Variants in GABRB2 observed in about 807,000 individuals in gnomAD.
GABRB2 encodes gamma-aminobutyric acid receptor subunit beta-2.
In GABRB2, 16 loss-of-function variants were observed where a neutral mutation model predicts 54.7. That is an observed-to-expected ratio of 0.29 (90% CI 0.20 to 0.44). The LOEUF (loss-of-function observed/expected upper bound fraction) is 0.44, where lower values mean the gene tolerates loss of function less well. Among genes scored for constraint, GABRB2 ranks in the 20% least tolerant of loss-of-function variants. The pLI, the probability that GABRB2 is intolerant of heterozygous loss-of-function variation, is 1.00. For synonymous variants in GABRB2, 244 were observed against 233.8 expected (o/e 1.04, Z -0.40); for missense variants, 355 against 644.0 (o/e 0.55, Z 4.86).
chr5:161,408,976 A>G (rs550484993), intron 5 of GABRB2, among the ~76,000 whole-genome samples: 10 of 152,256 alleles, frequency 6.6e-5, no homozygotes, highest in African/African-American at 2.4e-4. Flanking sequence ...CCTATTTACA[A>G]CAATAAAGCC....
rs1757294309 is a variant in GABRB2, at chr5:161,293,624, G to T, written c.*457C>A. ...TTATCATCTCAGTAAGAAAATCATAGATCATCTTCAAGTAATGTGTTTGCA... is the reference window on the plus strand; with the variant it reads ...TTATCATCTCAGTAAGAAAATCATATATCATCTTCAAGTAATGTGTTTGCA... On this transcript the variant is annotated 3_prime_UTR_variant, in exon 10 of 10. Coordinates refer to ENST00000393959, the MANE Select transcript of GABRB2 (RefSeq NM_001371727.1). 6.4e-6 allele frequency: 1 copy of T among 156,670 alleles called. No homozygotes were observed. Among genetic ancestry groups the T allele is most frequent in the South Asian group, 1.9e-4 (1 of 5,176 alleles). The allele number at this position is 156,670 out of a possible 1,614,324, so 9.7% of individuals were successfully genotyped here. A position where few individuals can be genotyped will look rare whatever the true frequency, so the allele number is the denominator to read the frequency against.
chr5:161,458,723 A>G (rs549775399), intron 4 of GABRB2, among the ~76,000 whole-genome samples: 2 of 152,320 alleles, frequency 1.3e-5, no homozygotes, highest in South Asian at 4.1e-4. Context: ...AGCAGTTCCT[A>G]ATGTATGAGG....
chr5:161,308,379 C>T (rs2113358634), intron 9 of GABRB2, among the ~76,000 whole-genome samples: 1 of 152,294 alleles, frequency 6.6e-6, no homozygotes, highest in South Asian at 2.1e-4. Flanking sequence ...GAAAAACATT[C>T]CATGCTAATG....
chr5:161,430,674 G>A (rs1302648617), intron 4 of GABRB2, among the ~76,000 whole-genome samples: 1 of 152,084 alleles, frequency 6.6e-6, no homozygotes, highest in African/African-American at 2.4e-5. Flanking sequence ...TAAAAACATT[G>A]ATTTAAGAAA....
chr5:161,348,727 C>T (rs903980485), intron 5 of GABRB2, among the ~76,000 whole-genome samples: 1 of 151,970 alleles, frequency 6.6e-6, no homozygotes, highest in Non-Finnish European at 1.5e-5. Context: ...ACTTGTCTTC[C>T]TCTGTAGTAG....
rs767791996 is a variant in GABRB2, at chr5:161,459,692, C to A, written c.390G>T (p.Val130=). The change falls in exon 4 of 10, where the codon GTG becomes GTT. Residue 130 remains valine, a synonymous_variant. Transcript: ENST00000393959. ...TGCGGTTCTTAACAGTCACTCCGTGCACAAATGACTTCTTATCGTTCAGGA... is the reference window on the plus strand; with the variant it reads ...TGCGGTTCTTAACAGTCACTCCGTGAACAAATGACTTCTTATCGTTCAGGA... ...TYFLNDKKSF[V]HGVTVKNRMI... The A allele has an allele frequency of 2.5e-6, 4 of 1,614,122 alleles. No homozygotes were observed. The highest frequency in any genetic ancestry group is 1.1e-5 in the South Asian group (1 of 91,084).
At chr5:161,317,907 A>G (rs1758090365) in intron 9 of GABRB2, among the ~76,000 whole-genome samples, 1 of 152,082 alleles carries the variant, frequency 6.6e-6, no homozygotes, top group Admixed American at 6.6e-5. Context: ...ACAAGTTAAA[A>G]TAACAAGATT....
chr5:161,436,465 G>A (rs553325783), intron 4 of GABRB2, among the ~76,000 whole-genome samples: 11 of 151,392 alleles, frequency 7.3e-5, no homozygotes, highest in African/African-American at 2.4e-4. Flanking sequence ...CTTGGGAGGC[G>A]GAGGTTGCAG....
intron 3 of GABRB2, among the ~76,000 whole-genome samples, chr5:161,467,491 G>A (rs559151519): frequency 1.3e-5 from 2 of 152,174 alleles, no homozygotes; most frequent in South Asian, 4.1e-4. Flanking sequence ...TAATTTAAAT[G>A]TAATACAAGT....
chr5:161,385,440 G>A (rs943590942), intron 5 of GABRB2, among the ~76,000 whole-genome samples: 19 of 152,204 alleles, frequency 1.2e-4, no homozygotes, highest in African/African-American at 4.1e-4. Flanking sequence ...CTTGGTAACC[G>A]ATGCTTGAAA....
intron 3 of GABRB2, among the ~76,000 whole-genome samples, chr5:161,533,052 A>C (rs940896162): frequency 2.6e-5 from 4 of 152,094 alleles, no homozygotes; most frequent in Non-Finnish European, 5.9e-5. Context: ...AAGTCATTTC[A>C]TCTTCAATTG....
chr5:161,469,832 T>C (rs1172113435), intron 3 of GABRB2, among the ~76,000 whole-genome samples: 1 of 151,988 alleles, frequency 6.6e-6, no homozygotes, highest in Non-Finnish European at 1.5e-5. Context: ...CCTATGGCCA[T>C]GAAGTACAAG....
In GABRB2 at chr5:161,350,630, G is replaced by A. The variant is rs772729709; in HGVS notation, c.542-13861C>T. On this transcript the variant is annotated intron_variant, in intron 5 of 9. Coordinates refer to ENST00000393959, the MANE Select transcript of GABRB2 (RefSeq NM_001371727.1). Reference sequence around the variant, plus strand: ...GATGTTCCTGAATATGTCTGTGAGGGCGTTGCCAAAGGAGATTAACATTTG... The same window carrying A: ...GATGTTCCTGAATATGTCTGTGAGGACGTTGCCAAAGGAGATTAACATTTG... Among the ~76,000 whole-genome samples, 7 of 152,172 alleles carry A rather than the reference G, an allele frequency of 4.6e-5. No homozygotes were observed. The South Asian group carries it at 1.0e-3, about 23-fold the overall frequency.
chr5:161,361,551 T>C (rs899240291), intron 5 of GABRB2, among the ~76,000 whole-genome samples: 2 of 152,086 alleles, frequency 1.3e-5, no homozygotes, highest in Non-Finnish European at 2.9e-5. Flanking sequence ...TTTCTGTATA[T>C]GGTTGAAATT....
intron 3 of GABRB2, among the ~76,000 whole-genome samples, chr5:161,520,336 G>C (rs1378795706): frequency 6.6e-6 from 1 of 152,020 alleles, no homozygotes; most frequent in Non-Finnish European, 1.5e-5. Flanking sequence ...AAAATAGAGG[G>C]ATTTGAACTT....
chr5:161,451,615 T>C (rs1190138931), intron 4 of GABRB2, among the ~76,000 whole-genome samples: 1 of 152,148 alleles, frequency 6.6e-6, no homozygotes, highest in African/African-American at 2.4e-5. Context: ...AACCAAATAG[T>C]CCATCTTATA....
intron 5 of GABRB2, among the ~76,000 whole-genome samples, chr5:161,361,436 C>T (rs1754806451): frequency 6.6e-6 from 1 of 151,924 alleles, no homozygotes; most frequent in African/African-American, 2.4e-5. Context: ...ATGATTTGAT[C>T]CAGACATATC....
At chr5:161,411,417 C>T (rs1756513660) in intron 4 of GABRB2, among the ~76,000 whole-genome samples, 1 of 152,154 alleles carries the variant, frequency 6.6e-6, no homozygotes, top group Admixed American at 6.5e-5. Flanking sequence ...AAAGAATATT[C>T]CCATTTCTCT....
intron 5 of GABRB2, among the ~76,000 whole-genome samples, chr5:161,389,400 T>C: frequency 6.6e-6 from 1 of 152,072 alleles, no homozygotes; most frequent in East Asian, 1.9e-4. Flanking sequence ...GGACTTTGAC[T>C]AATATCATCT....
Sources: gnomAD v4.1 joint callset for allele counts (sites outside exome capture counted in the v4.1 genomes callset) on GRCh38, gnomAD v4.1.1 for gene constraint, MANE v1.5 for transcripts, NCBI Gene and HGNC (gene_info 2026-07-23, HGNC 2026-07-21) for gene names.